Variants in GIGYF2 observed in about 807,000 individuals in gnomAD.
GIGYF2 encodes the protein GRB10-interacting GYF protein 2.
A neutral mutation model predicts 208.1 loss-of-function variants in GIGYF2; 25 were observed. The ratio of observed to expected loss-of-function variants is 0.12; its 90% confidence interval spans 0.09 to 0.17. The LOEUF is 0.17. Ranked by LOEUF, GIGYF2 falls within the 10% of genes least tolerant of loss-of-function variation. The pLI is 1.00. For synonymous variants in GIGYF2, 534 were observed against 543.8 expected, an observed-to-expected ratio of 0.98 and a Z score of 0.25; for missense variants, 1,302 against 1,579.4, an observed-to-expected ratio of 0.82 and a Z score of 2.98.
chr2:232,715,774 C>T (rs550158053), intron 2 of GIGYF2, among the ~76,000 whole-genome samples: 16 of 149,364 alleles, frequency 1.1e-4, no homozygotes, highest in African/African-American at 4.0e-4. Flanking sequence ...AGGTGGATGC[C>T]GAAGGAAAAG....
intron 8 of GIGYF2, 129 bp from the exon 9 acceptor site, chr2:232,787,021 T>C: frequency 1.7e-6 from 1 of 572,694 alleles, no homozygotes; most frequent in South Asian, 1.7e-5. Context: ...CACTGTTATT[T>C]TAGTGATTTT....
At chr2:232,784,382 A>ATTTTTTTTT (rs1360964345) in intron 8 of GIGYF2, among the ~76,000 whole-genome samples, 69 of 70,402 alleles carry the variant, frequency 9.8e-4, no homozygotes, top group Non-Finnish European at 1.3e-3. Context: ...ACACGAAATA[A>ATTTTTTTTT]TTTCTTTTTT....
rs758215900 is a variant in GIGYF2, at chr2:232,776,431, T to C, written c.533-10719T>C. On this transcript the variant is annotated intron_variant, in intron 8 of 28. Coordinates refer to ENST00000373563, the MANE Select transcript of GIGYF2 (RefSeq NM_001103146.3). ...CATAAGGAAAGAAGAATGGATATTATTGCATGTACTCACCAGTTCTTTTGC... is the reference window on the plus strand; with the variant it reads ...CATAAGGAAAGAAGAATGGATATTACTGCATGTACTCACCAGTTCTTTTGC... 1.0e-5 allele frequency: 16 copies of C among 1,599,504 alleles called. No individual in the cohort carries two copies. The highest frequency in any genetic ancestry group is 3.3e-4 in the Middle Eastern group (2 of 6,030).
chr2:232,843,029 C>T (rs144467027), intron 23 of GIGYF2: 2 of 152,112 alleles, frequency 1.3e-5, no homozygotes, highest in East Asian at 3.9e-4. Flanking sequence ...AGCTCCTTTA[C>T]TTAGATTTCA....
chr2:232,792,606 A>T (rs1310509362), intron 12 of GIGYF2, among the ~76,000 whole-genome samples: 1 of 152,104 alleles, frequency 6.6e-6, no homozygotes. Flanking sequence ...CAAAAATGAG[A>T]CAGGGCCTCA....
chr2:232,816,542 G>C (rs78899562), intron 19 of GIGYF2, among the ~76,000 whole-genome samples: 1,990 of 152,212 alleles, frequency 0.013, 34 homozygotes, highest in African/African-American at 0.045. Context: ...GGAGTGTGGA[G>C]GCAAGTACAG....
At chr2:232,851,953 A>C (rs1690351433) in intron 28 of GIGYF2, among the ~76,000 whole-genome samples, 1 of 152,152 alleles carries the variant, frequency 6.6e-6, no homozygotes, top group Non-Finnish European at 1.5e-5. Context: ...GATAGAATTA[A>C]CTGGACAAGA....
Position 232,856,724 on chromosome 2 carries a change from T to C in GIGYF2, c.3833-69T>C. ...AACAAACACAGACTTACATTCCAGC[T>C]CACCGCCTAGAATTTGAGCCGCTTG... On this transcript the variant is annotated intron_variant, in intron 28 of 28. Coordinates refer to ENST00000373563, the MANE Select transcript of GIGYF2 (RefSeq NM_001103146.3). The C allele has an allele frequency of 5.4e-6, 5 of 922,904 alleles. No individual in the cohort carries two copies. In the South Asian group the frequency reaches 6.5e-5, roughly 12 times the overall value. 57.2% of individuals were successfully genotyped at this position (922,904 alleles called of 1,614,324 possible).
chr2:232,704,019 G>A (rs1391888898), intron 2 of GIGYF2, among the ~76,000 whole-genome samples: 1 of 152,206 alleles, frequency 6.6e-6, no homozygotes, highest in Non-Finnish European at 1.5e-5. Context: ...GCCAATTGAT[G>A]CTAGCACAGT....
intron 1 of GIGYF2, among the ~76,000 whole-genome samples, chr2:232,700,917 C>A (rs1233154959): frequency 1.3e-5 from 2 of 152,116 alleles, no homozygotes; most frequent in Non-Finnish European, 2.9e-5. Flanking sequence ...AAAATTACAT[C>A]TCTTTAAAAC....
At position 232,781,287 on chromosome 2, in the gene GIGYF2, TACACACAC is replaced by T. The variant is rs3062047; in HGVS notation, c.533-5835_533-5828del. The stretch of plus-strand genomic sequence containing the variant: ...TATTTATTTTAAATTATATCAGGAA[TACACACAC>T]ACACACACACACACACACACACACA... On this transcript the variant is annotated intron_variant, in intron 8 of 28. Coordinates refer to ENST00000373563, the MANE Select transcript of GIGYF2 (RefSeq NM_001103146.3). 6.1e-3 allele frequency among the ~76,000 whole-genome samples: 776 copies of T among 127,118 alleles called. 12 individuals carry two copies. The highest frequency in any genetic ancestry group is 0.021 in the African/African-American group (670 of 31,970). The allele number at this position is 127,118 out of a possible 152,430, so 83.4% of individuals were successfully genotyped here. A position where few individuals can be genotyped will look rare whatever the true frequency, so the allele number is the denominator to read the frequency against.
chr2:232,765,285 C>G (rs1027535580), intron 8 of GIGYF2: 10 of 152,118 alleles, frequency 6.6e-5, no homozygotes, highest in Admixed American at 6.6e-4. Flanking sequence ...CTAGTTTGTT[C>G]AGGCACACTG....
intron 8 of GIGYF2, among the ~76,000 whole-genome samples, chr2:232,778,425 C>T (rs1211416648): frequency 1.3e-5 from 2 of 152,302 alleles, no homozygotes; most frequent in Middle Eastern, 3.4e-3. Flanking sequence ...TTGCTATGGT[C>T]TATAAACAGT....
intron 14 of GIGYF2, among the ~76,000 whole-genome samples, chr2:232,801,545 T>C (rs1228364860): frequency 6.6e-6 from 1 of 152,224 alleles, no homozygotes; most frequent in Admixed American, 6.5e-5. Flanking sequence ...ATATATTTGT[T>C]GTATACGACA....
chr2:232,758,539 G>T (rs1464212104), intron 6 of GIGYF2, among the ~76,000 whole-genome samples: 1 of 152,142 alleles, frequency 6.6e-6, no homozygotes, highest in Non-Finnish European at 1.5e-5. Context: ...CCTTATTCAT[G>T]TATGGGAACC....
rs573302962 is a variant in GIGYF2 at position 232,836,176 on chromosome 2, C to T, written c.2766+3083C>T. Among the ~76,000 whole-genome samples the T allele has an allele frequency of 2.0e-5, 3 of 147,416 alleles. No homozygotes were observed. The South Asian group carries it at 6.5e-4, about 32-fold the overall frequency. ...GTGCAGTGGCTCACGCCTATAATCCCAGCACTTTGGGAGGCCGAGGCTGGT... is the reference window on the plus strand; with the variant it reads ...GTGCAGTGGCTCACGCCTATAATCCTAGCACTTTGGGAGGCCGAGGCTGGT... On this transcript the variant is annotated intron_variant, in intron 22 of 28. Coordinates refer to ENST00000373563, the MANE Select transcript of GIGYF2 (RefSeq NM_001103146.3).
chr2:232,802,876 C>T (rs1700439942), intron 14 of GIGYF2, among the ~76,000 whole-genome samples: 2 of 150,282 alleles, frequency 1.3e-5, no homozygotes, highest in Admixed American at 1.3e-4. Flanking sequence ...GCCATCAGGG[C>T]AGGGCTTTCC....
intron 6 of GIGYF2, among the ~76,000 whole-genome samples, chr2:232,759,859 A>G (rs2106325053): frequency 6.6e-6 from 1 of 152,260 alleles, no homozygotes; most frequent in African/African-American, 2.4e-5. Flanking sequence ...CCCTATGCCC[A>G]GACACTCTAC....
At chr2:232,840,674 A>G (rs192931743) in intron 23 of GIGYF2, among the ~76,000 whole-genome samples, 2 of 152,298 alleles carry the variant, frequency 1.3e-5, no homozygotes, top group East Asian at 3.9e-4. Flanking sequence ...AAAAGTAGAA[A>G]ATGAAGCGTA....
Sources: allele counts gnomAD v4.1 joint callset (sites outside exome capture counted in the v4.1 genomes callset), GRCh38; gene constraint gnomAD v4.1.1; transcripts MANE v1.5; gene names NCBI Gene and HGNC (gene_info 2026-07-23, HGNC 2026-07-21).